SNAP25: variants seen among roughly 807,000 people sequenced by gnomAD.
SNAP25 encodes the protein synaptosome associated protein 25.
A neutral mutation model predicts 28.7 loss-of-function variants in SNAP25; 3 were observed. The observed-to-expected ratio is 0.10, with a 90% CI of 0.05 to 0.27. The LOEUF (loss-of-function observed/expected upper bound fraction) is 0.27. Among genes scored for constraint, SNAP25 ranks in the 10% least tolerant of loss-of-function variants. The probability of loss-of-function intolerance (pLI) is 1.00; values close to 1 mark genes in which losing one functional copy is unlikely to be tolerated. For missense variants in SNAP25, 117 were observed against 278.7 expected (o/e 0.42, Z 4.13); for synonymous variants, 61 against 88.1 (o/e 0.69, Z 1.72).
At chr20:10,276,542 A>G (rs976938224) in intron 2 of SNAP25, among the ~76,000 whole-genome samples, 2 of 152,202 alleles carry the variant, frequency 1.3e-5, no homozygotes. Flanking sequence ...CCTTTTTGTC[A>G]TTCACAAATG....
At chr20:10,249,151 C>T (rs1487236438) in intron 1 of SNAP25, among the ~76,000 whole-genome samples, 2 of 152,178 alleles carry the variant, frequency 1.3e-5, no homozygotes, top group Admixed American at 1.3e-4. Flanking sequence ...GGCTATAGTG[C>T]TAAGGAGATA....
At chr20:10,299,219 A>G (rs967949314) in intron 6 of SNAP25, 49 bp from the exon 7 acceptor site, 14 of 1,599,372 alleles carry the variant, frequency 8.8e-6, no homozygotes, top group East Asian at 4.5e-5. Flanking sequence ...CTTGGTATTC[A>G]ATATGTTTTC....
chr20:10,249,467 T>C lies in SNAP25; in HGVS notation c.-63-25962T>C, dbSNP rs199572676. Among the ~76,000 whole-genome samples the C allele has an allele frequency of 3.3e-5, 5 of 152,282 alleles. No homozygotes were observed. The East Asian group carries it at 9.6e-4, about 29-fold the overall frequency. Reference sequence around the variant, plus strand: ...CGGGAACCTGTTCCAAAGACCTCTGTGCTATTTTCTAACAGCAAAGAGACT... The same window carrying C: ...CGGGAACCTGTTCCAAAGACCTCTGCGCTATTTTCTAACAGCAAAGAGACT... On this transcript the variant is annotated intron_variant, in intron 1 of 7. Coordinates refer to ENST00000254976, the MANE Select transcript of SNAP25 (RefSeq NM_130811.4).
intron 1 of SNAP25, among the ~76,000 whole-genome samples, chr20:10,227,417 C>T (rs1276626362): frequency 6.6e-6 from 1 of 152,100 alleles, no homozygotes; most frequent in African/African-American, 2.4e-5. Context: ...TACCCCTTTG[C>T]AGAGAAAAGA....
chr20:10,290,093 G>C (rs188685941), intron 4 of SNAP25, among the ~76,000 whole-genome samples: 4 of 152,220 alleles, frequency 2.6e-5, no homozygotes, highest in African/African-American at 7.2e-5. Flanking sequence ...ATGGTGCGTT[G>C]CATCAGCCTC....
chr20:10,233,248 A>G (rs1411680910), intron 1 of SNAP25, among the ~76,000 whole-genome samples: 1 of 152,048 alleles, frequency 6.6e-6, no homozygotes, highest in African/African-American at 2.4e-5. Context: ...CAAAGATTAG[A>G]GCCAAACCAA....
chr20:10,249,991 T>C (rs1412006248), intron 1 of SNAP25, among the ~76,000 whole-genome samples: 1 of 152,222 alleles, frequency 6.6e-6, no homozygotes, highest in East Asian at 1.9e-4. Flanking sequence ...ATTCAGCGGA[T>C]CTAGGGTGGA....
intron 6 of SNAP25, among the ~76,000 whole-genome samples, chr20:10,297,331 A>C (rs1297244521): frequency 6.6e-6 from 1 of 152,158 alleles, no homozygotes; most frequent in Admixed American, 6.5e-5. Context: ...ACATGGTGGT[A>C]GCAGTATTCC....
chr20:10,252,218 T>C (rs2063242553), intron 1 of SNAP25, among the ~76,000 whole-genome samples: 1 of 152,206 alleles, frequency 6.6e-6, no homozygotes, highest in African/African-American at 2.4e-5. Context: ...ATGTCAGAGA[T>C]TTACTTACTT....
intron 1 of SNAP25, among the ~76,000 whole-genome samples, chr20:10,268,398 A>G (rs1300949313): frequency 1.3e-5 from 2 of 152,184 alleles, no homozygotes; most frequent in Admixed American, 1.3e-4. Context: ...TGATTTATAC[A>G]TATTTGTTAG....
chr20:10,238,811 A>G (rs1183968062), intron 1 of SNAP25, among the ~76,000 whole-genome samples: 1 of 152,132 alleles, frequency 6.6e-6, no homozygotes, highest in Non-Finnish European at 1.5e-5. Context: ...AGGCTGAGGC[A>G]GGAGAATCAC....
At chr20:10,275,679 G>A in intron 2 of SNAP25, 116 bp downstream of exon 2, 1 of 767,838 alleles carries the variant, frequency 1.3e-6, no homozygotes, top group Non-Finnish European at 2.0e-6. Context: ...TTTAGAAAAA[G>A]TAATATGACT....
intron 1 of SNAP25, among the ~76,000 whole-genome samples, chr20:10,270,952 G>A (rs984069077): frequency 2.0e-5 from 3 of 152,188 alleles, no homozygotes; most frequent in Admixed American, 2.0e-4. Context: ...CTTACTAGGG[G>A]TCAGACCCTT....
At chr20:10,266,081 A>C (rs908255147) in intron 1 of SNAP25, among the ~76,000 whole-genome samples, 1 of 152,174 alleles carries the variant, frequency 6.6e-6, no homozygotes, top group Non-Finnish European at 1.5e-5. Context: ...TTGACAACTA[A>C]CAGTTGTGCG....
chr20:10,256,526 A>C (rs1365213051), intron 1 of SNAP25, among the ~76,000 whole-genome samples: 2 of 152,194 alleles, frequency 1.3e-5, no homozygotes, highest in African/African-American at 4.8e-5. Context: ...TTTACAGATA[A>C]AATACTGAGG....
At chr20:10,250,838 A>G (rs958549423) in intron 1 of SNAP25, among the ~76,000 whole-genome samples, 6 of 152,202 alleles carry the variant, frequency 3.9e-5, no homozygotes, top group Non-Finnish European at 5.9e-5. Context: ...AGATACGCAA[A>G]TACTTACTAT....
intron 4 of SNAP25, among the ~76,000 whole-genome samples, chr20:10,290,611 G>A (rs1010733409): frequency 6.6e-6 from 1 of 150,844 alleles, no homozygotes; most frequent in Non-Finnish European, 1.5e-5. Flanking sequence ...CAGTGGATGG[G>A]TCCCTAATAT....
chr20:10,293,388 A>T lies in SNAP25; in HGVS notation c.281+110A>T. Reference sequence around the variant, plus strand: ...GGCAGGATGAGCATGTGGCATGCAGAACAGATCAATACCGTCTCCAATGCA... The same window carrying T: ...GGCAGGATGAGCATGTGGCATGCAGTACAGATCAATACCGTCTCCAATGCA... On this transcript the variant is annotated intron_variant, in intron 5 of 7. Transcript: ENST00000254976. This position sits in a 1 kb window ranked among gnomAD's most constrained non-coding sequence, Gnocchi z 5.6. 1 of 776,848 alleles carries T rather than the reference A, an allele frequency of 1.3e-6. No homozygotes were observed. Among genetic ancestry groups the T allele is most frequent in the Non-Finnish European group, 2.2e-6 (1 of 446,424 alleles). 48.1% of individuals were successfully genotyped at this position (776,848 alleles called of 1,614,324 possible).
At chr20:10,265,735 C>A (rs1225376317) in intron 1 of SNAP25, among the ~76,000 whole-genome samples, 1 of 152,102 alleles carries the variant, frequency 6.6e-6, no homozygotes. Flanking sequence ...AATAACATCG[C>A]GTGGTCAAGA....
Sources: gnomAD v4.1 joint callset for allele counts (sites outside exome capture counted in the v4.1 genomes callset) on GRCh38, gnomAD v4.1.1 for gene constraint, Gnocchi (gnomAD v3.1) non-coding constraint, MANE v1.5 for transcripts, NCBI Gene and HGNC (gene_info 2026-07-23, HGNC 2026-07-21) for gene names.